Variants in PRDM2 observed in about 807,000 individuals in gnomAD.
PRDM2 encodes PR/SET domain 2.
Under a neutral mutation model 130.0 loss-of-function variants are expected in PRDM2, and 30 were observed. That is an observed-to-expected ratio of 0.23 (90% CI 0.17 to 0.31). The LOEUF is 0.31. Ranked by LOEUF, PRDM2 falls within the 10% of genes least tolerant of loss-of-function variation. The pLI is 1.00. For missense variants in PRDM2, 2,011 were observed against 2,108.4 expected, an observed-to-expected ratio of 0.95 and a Z score of 0.90; for synonymous variants, 871 against 782.4, an observed-to-expected ratio of 1.11 and a Z score of -1.89.
intron 7 of PRDM2, among the ~76,000 whole-genome samples, chr1:13,775,067 G>C (rs1279607761): frequency 6.6e-6 from 1 of 152,110 alleles, no homozygotes; most frequent in South Asian, 2.1e-4. Context: ...AATGTTCTGC[G>C]TTGTCCTCAG....
chr1:13,723,125 C>T (rs150204112), intron 2 of PRDM2, among the ~76,000 whole-genome samples: 48 of 152,300 alleles, frequency 3.2e-4, no homozygotes, highest in Middle Eastern at 3.4e-3. Flanking sequence ...CCCTTCTCTC[C>T]TTGGCATGTT....
chr1:13,755,854 G>A (rs541712936), intron 6 of PRDM2, among the ~76,000 whole-genome samples: 2 of 151,804 alleles, frequency 1.3e-5, no homozygotes, highest in African/African-American at 2.4e-5. Context: ...GGTTGGACTC[G>A]AACTCCTGAG....
intron 1 of PRDM2, among the ~76,000 whole-genome samples, chr1:13,708,685 A>G (rs1642280630): frequency 6.6e-6 from 1 of 152,168 alleles, no homozygotes; most frequent in Non-Finnish European, 1.5e-5. Flanking sequence ...TGAACATTCT[A>G]TTCTTGTATC....
Position 13,749,501 on chromosome 1 carries a change from G to A in PRDM2, c.511+14G>A. 2 of 1,344,892 alleles carry A rather than the reference G, an allele frequency of 1.5e-6. No homozygotes were observed. Among genetic ancestry groups the A allele is most frequent in the South Asian group, 1.3e-5 (1 of 76,286 alleles). 83.3% of individuals were successfully genotyped at this position (1,344,892 alleles called of 1,614,324 possible). On this transcript the variant is annotated intron_variant, in intron 6 of 9. Transcript: ENST00000311066. ...AGAGCCGGAAAGGTAGGAGCCCCCC[G>A]GCCCGCCCGCCCGGCCCCGGCGCCA...
chr1:13,745,425 GTTT>G (rs572467638), intron 5 of PRDM2, among the ~76,000 whole-genome samples: 2 of 139,218 alleles, frequency 1.4e-5, no homozygotes, highest in African/African-American at 2.6e-5. Flanking sequence ...TAAGCTAATG[GTTT>G]TTTTTTTTTT....
At chr1:13,750,375 G>GTTTTTTGT (rs568435476) in intron 6 of PRDM2, among the ~76,000 whole-genome samples, 4 of 150,306 alleles carry the variant, frequency 2.7e-5, no homozygotes, top group South Asian at 2.1e-4. Flanking sequence ...ACAGGTTTGT[G>GTTTTTTGT]TTTTTTGTTT....
At chr1:13,808,051 CTT>C (rs1331049246) in intron 8 of PRDM2, among the ~76,000 whole-genome samples, 1 of 152,196 alleles carries the variant, frequency 6.6e-6, no homozygotes, top group Non-Finnish European at 1.5e-5. Flanking sequence ...GTAGAGCACA[CTT>C]TGCCAGAGGC....
chr1:13,769,013 T>G, intron 6 of PRDM2: 3 of 462,572 alleles, frequency 6.5e-6, no homozygotes, highest in Non-Finnish European at 8.5e-6. Context: ...TCTTGATGTA[T>G]TCATTTCTTT....
chr1:13,774,850 G>A (rs779365364), intron 7 of PRDM2, among the ~76,000 whole-genome samples: 9 of 151,950 alleles, frequency 5.9e-5, no homozygotes, highest in Admixed American at 3.9e-4. Context: ...GGTGGTGGGC[G>A]CCTGTAGTCC....
chr1:13,816,194 G>T (rs986994024), intron 8 of PRDM2, among the ~76,000 whole-genome samples: 2 of 152,188 alleles, frequency 1.3e-5, no homozygotes, highest in Non-Finnish European at 2.9e-5. Flanking sequence ...GTGCTTCTGC[G>T]ATCGCCTCCG....
chr1:13,741,499 C>T (rs1643438567), intron 4 of PRDM2, among the ~76,000 whole-genome samples: 1 of 152,156 alleles, frequency 6.6e-6, no homozygotes. Context: ...CCACCTCTGC[C>T]AGAAAGGGAC....
At chr1:13,814,265 G>T (rs1645221757) in intron 8 of PRDM2, among the ~76,000 whole-genome samples, 1 of 152,164 alleles carries the variant, frequency 6.6e-6, no homozygotes, top group Non-Finnish European at 1.5e-5. Flanking sequence ...ATGAAGCATG[G>T]GTCCTCCGTT....
At chr1:13,767,256 AT>A (rs1181328424) in intron 6 of PRDM2, among the ~76,000 whole-genome samples, 1 of 151,398 alleles carries the variant, frequency 6.6e-6, no homozygotes, top group Non-Finnish European at 1.5e-5. Flanking sequence ...AAGCATTCCA[AT>A]TTGATTGTTG....
chr1:13,724,967 G>GC (rs1642862654), intron 2 of PRDM2, among the ~76,000 whole-genome samples: 1 of 152,166 alleles, frequency 6.6e-6, no homozygotes, highest in South Asian at 2.1e-4. Context: ...TTTGGATTAA[G>GC]CCCCCCTGCC....
chr1:13,769,559 A>G (rs1304957479), intron 6 of PRDM2, among the ~76,000 whole-genome samples: 1 of 152,178 alleles, frequency 6.6e-6, no homozygotes, highest in East Asian at 1.9e-4. Flanking sequence ...TCTCTAGTCC[A>G]AGGCCCTCAC....
chr1:13,787,010 A>T (rs1331008439), intron 8 of PRDM2: 89 of 985,872 alleles, frequency 9.0e-5, no homozygotes, highest in Non-Finnish European at 1.9e-5. Context: ...TTAATTATAG[A>T]CAGAGAGAGG....
chr1:13,750,167 C>G (rs1006344840), intron 6 of PRDM2, among the ~76,000 whole-genome samples: 1 of 152,006 alleles, frequency 6.6e-6, no homozygotes, highest in Non-Finnish European at 1.5e-5. Context: ...AAAGTGTAGT[C>G]ACACTTAAAA....
intron 6 of PRDM2, among the ~76,000 whole-genome samples, chr1:13,768,117 G>A (rs1471594690): frequency 1.8e-5 from 2 of 110,952 alleles, no homozygotes; most frequent in Non-Finnish European, 3.4e-5. Context: ...TCGCTCTGTT[G>A]CCCAGGCTGG....
intron 8 of PRDM2, among the ~76,000 whole-genome samples, chr1:13,793,759 T>C (rs1298707669): frequency 6.6e-6 from 1 of 152,162 alleles, no homozygotes; most frequent in Non-Finnish European, 1.5e-5. Flanking sequence ...CTGGCCCACG[T>C]TGGAAGAACT....
Sources: allele counts gnomAD v4.1 joint callset (sites outside exome capture counted in the v4.1 genomes callset), GRCh38; gene constraint gnomAD v4.1.1; transcripts MANE v1.5; gene names NCBI Gene and HGNC (gene_info 2026-07-23, HGNC 2026-07-21).